The following UBASH3B variants were observed in gnomAD, a reference collection of about 807,000 sequenced individuals.
UBASH3B encodes the protein ubiquitin associated and SH3 domain containing B.
Under a neutral mutation model 83.4 loss-of-function variants are expected in UBASH3B, and 37 were observed. The ratio of observed to expected loss-of-function variants is 0.44; its 90% CI spans 0.34 to 0.58. UBASH3B has a LOEUF of 0.58. Ranked by LOEUF, UBASH3B falls within the 20% of genes least tolerant of loss-of-function variation. UBASH3B has a pLI of 0.01. For synonymous variants in UBASH3B, 304 were observed against 318.3 expected, an observed-to-expected ratio of 0.96 and a Z score of 0.48; for missense variants, 657 against 827.2, an observed-to-expected ratio of 0.79 and a Z score of 2.52.
chr11:122,752,727 C>T (rs779319190), intron 1 of UBASH3B, among the ~76,000 whole-genome samples: 13 of 152,054 alleles, frequency 8.5e-5, no homozygotes, highest in Admixed American at 5.9e-4. Context: ...CAGGGAGAGC[C>T]GTTGAAAGAG....
chr11:122,807,970 T>G lies in UBASH3B; in HGVS notation c.1703-97T>G, dbSNP rs1395098727. ...AGGCAAATTGTCTTCTTGAGTGTGTTTGCTCCCCTGCAGAGCATTTAGTTA... is the reference window on the plus strand; with the variant it reads ...AGGCAAATTGTCTTCTTGAGTGTGTGTGCTCCCCTGCAGAGCATTTAGTTA... On this transcript the variant is annotated intron_variant, in intron 12 of 13. Coordinates refer to ENST00000284273, the MANE Select transcript of UBASH3B (RefSeq NM_032873.5). The G allele has an allele frequency of 5.5e-6, 5 of 906,036 alleles. No homozygotes were observed. In the East Asian group the frequency reaches 1.2e-4, roughly 22 times the overall value. The allele number at this position is 906,036 out of a possible 1,614,324, so 56.1% of individuals were successfully genotyped here.
rs528886121 is a variant in UBASH3B, at chr11:122,789,268, A to T, written c.940A>T (p.Ile314Phe). The T allele has an allele frequency of 6.2e-7, 1 of 1,614,178 alleles. No homozygotes were observed. The highest frequency in any genetic ancestry group is 2.2e-5 in the East Asian group (1 of 44,884). ...GCSGLLPENY[I>F]TKADECSTWI... Reference sequence around the variant, plus strand: ...CTCTGGACTCCTGCCTGAGAATTACATTACCAAGGCTGATGAATGCAGCAC... The same window carrying T: ...CTCTGGACTCCTGCCTGAGAATTACTTTACCAAGGCTGATGAATGCAGCAC... The change falls in exon 6 of 14, where the codon ATT (isoleucine) becomes TTT (phenylalanine). Residue 314 changes from isoleucine to phenylalanine, a missense_variant. Around this residue, in one of 3 missense-constraint regions of UBASH3B, gnomAD observed 573 missense variants for 739.0 expected, o/e 0.78. Coordinates refer to ENST00000284273, the MANE Select transcript of UBASH3B (RefSeq NM_032873.5).
chr11:122,809,793 T>G lies in UBASH3B; in HGVS notation c.1857T>G (p.Thr619=). The stretch of plus-strand genomic sequence containing the variant: ...GTTCCTGTGAAGAATTAGGAGAAAC[T>G]GGAATATGGCAGCTGACAGATCCAC... The part of the protein sequence containing the change: ...GFCSCEELGE[T]GIWQLTDPPI... The change falls in exon 14 of 14, where the codon ACT becomes ACG. Residue 619 remains threonine (T), a synonymous_variant. Transcript: ENST00000284273. 6.2e-7 allele frequency: 1 copy of G among 1,614,180 alleles called. No homozygotes were observed. Among genetic ancestry groups the G allele is most frequent in the Non-Finnish European group, 8.5e-7 (1 of 1,180,016 alleles).
Position 122,759,696 on chromosome 11 carries a change from G to C in UBASH3B, c.162-16523G>C, listed in dbSNP as rs1861339214. On this transcript the variant is annotated intron_variant, in intron 1 of 13. Transcript: ENST00000284273. This position sits in a 1 kb window ranked among gnomAD's most constrained non-coding sequence, Gnocchi z 4.1. Reference sequence around the variant, plus strand: ...TCCCTTGCACGTGCAGTTCACAGTAGGGTTTGTGCTCCTGTGAGAATCTAA... The same window carrying C: ...TCCCTTGCACGTGCAGTTCACAGTACGGTTTGTGCTCCTGTGAGAATCTAA... Among the ~76,000 whole-genome samples the C allele has an allele frequency of 6.6e-6, 1 of 152,186 alleles. No individual in the cohort carries two copies. The highest frequency in any genetic ancestry group is 1.5e-5 in the Non-Finnish European group (1 of 68,038).
intron 1 of UBASH3B, among the ~76,000 whole-genome samples, chr11:122,752,595 T>G (rs1471404913): frequency 1.3e-5 from 2 of 152,244 alleles, no homozygotes; most frequent in East Asian, 3.8e-4. Context: ...AGTTTGGTCT[T>G]GATCTTACGG....
intron 11 of UBASH3B, among the ~76,000 whole-genome samples, chr11:122,803,806 G>A (rs1404545569): frequency 6.6e-6 from 1 of 152,082 alleles, no homozygotes. Flanking sequence ...ATACAGTTTC[G>A]GGGATGCCAC....
intron 3 of UBASH3B, among the ~76,000 whole-genome samples, chr11:122,777,909 T>A (rs530130308): frequency 6.6e-6 from 1 of 151,902 alleles, no homozygotes; most frequent in Non-Finnish European, 1.5e-5. Flanking sequence ...TTTGTATTTT[T>A]AGTAGAGACG....
Position 122,655,854 on chromosome 11 carries a change from G to C in UBASH3B, c.-196G>C. 3.5e-6 allele frequency: 2 copies of C among 576,826 alleles called. No individual in the cohort carries two copies. The highest frequency in any genetic ancestry group is 3.5e-5 in the East Asian group (1 of 28,610). The allele number at this position is 576,826 out of a possible 1,614,324, so 35.7% of individuals were successfully genotyped here. ...GGTCCCGCAGCGGCCGCTTGCCGGC[G>C]TTCTGGCTCCTGTGGCCTCACCAGG... On this transcript the variant is annotated 5_prime_UTR_variant, in exon 1 of 14. Transcript: ENST00000284273.
At chr11:122,795,284 A>AG (rs1330351943) in intron 7 of UBASH3B, among the ~76,000 whole-genome samples, 3 of 152,178 alleles carry the variant, frequency 2.0e-5, no homozygotes, top group African/African-American at 7.2e-5. Flanking sequence ...AATAGAGGCA[A>AG]GCTGAAAGTT....
intron 1 of UBASH3B, among the ~76,000 whole-genome samples, chr11:122,716,614 C>T (rs552106216): frequency 1.3e-5 from 2 of 152,174 alleles, no homozygotes; most frequent in Non-Finnish European, 2.9e-5. Context: ...CCTCCTGAGG[C>T]AAGGTTGCCT....
chr11:122,750,017 G>A (rs1413877258), intron 1 of UBASH3B, among the ~76,000 whole-genome samples: 1 of 152,208 alleles, frequency 6.6e-6, no homozygotes, highest in Non-Finnish European at 1.5e-5. Flanking sequence ...ACAGGTGTGA[G>A]CCACTGCTCC....
intron 1 of UBASH3B, among the ~76,000 whole-genome samples, chr11:122,691,239 A>G (rs1433695862): frequency 6.6e-6 from 1 of 152,214 alleles, no homozygotes; most frequent in African/African-American, 2.4e-5. Flanking sequence ...GAATTCTGGT[A>G]ACATCATCAA....
intron 11 of UBASH3B, among the ~76,000 whole-genome samples, chr11:122,805,703 T>C (rs907004251): frequency 6.6e-6 from 1 of 152,070 alleles, no homozygotes; most frequent in African/African-American, 2.4e-5. Flanking sequence ...TCCCACAACA[T>C]GTGGAAATTC....
At chr11:122,717,680 A>G (rs758553560) in intron 1 of UBASH3B, among the ~76,000 whole-genome samples, 3 of 152,204 alleles carry the variant, frequency 2.0e-5, no homozygotes, top group South Asian at 2.1e-4. Context: ...ATATCACCAC[A>G]GGTGCCTTCT....
At chr11:122,697,829 G>C (rs1376343509) in intron 1 of UBASH3B, among the ~76,000 whole-genome samples, 1 of 152,188 alleles carries the variant, frequency 6.6e-6, no homozygotes, top group East Asian at 1.9e-4. Flanking sequence ...AGAGGAAGCA[G>C]CTGCTGTGCT....
chr11:122,704,800 TG>T (rs1864093767), intron 1 of UBASH3B, among the ~76,000 whole-genome samples: 1 of 151,986 alleles, frequency 6.6e-6, no homozygotes, highest in Non-Finnish European at 1.5e-5. Flanking sequence ...ATGACCACCG[TG>T]CCCCGTCAAC....
chr11:122,796,355 A>T, intron 8 of UBASH3B, 79 bp downstream of exon 8: 1 of 1,562,948 alleles, frequency 6.4e-7, no homozygotes. Context: ...ACAGTTATCT[A>T]GATGGAGTCA....
chr11:122,776,357 C>T, intron 2 of UBASH3B, 85 bp downstream of exon 2: 3 of 1,256,708 alleles, frequency 2.4e-6, no homozygotes. Context: ...CAGACTTTCT[C>T]TAATGGACCC....
intron 1 of UBASH3B, among the ~76,000 whole-genome samples, chr11:122,710,340 G>A (rs1864175805): frequency 6.6e-6 from 1 of 152,146 alleles, no homozygotes; most frequent in Non-Finnish European, 1.5e-5. Flanking sequence ...GCGGGCTGGT[G>A]GTTGGAGAGA....
Sources: gnomAD v4.1 joint callset for allele counts (sites outside exome capture counted in the v4.1 genomes callset) on GRCh38, gnomAD v4.1.1 for gene constraint, gnomAD v4.1.1 regional missense constraint, Gnocchi (gnomAD v3.1) non-coding constraint, MANE v1.5 for transcripts, NCBI Gene and HGNC (gene_info 2026-07-23, HGNC 2026-07-21) for gene names.